The following EMP1 variants were observed in gnomAD, a reference collection of about 807,000 sequenced individuals.
EMP1 encodes the protein epithelial membrane protein 1, also known as tumor-associated membrane protein.
Under a neutral mutation model 15.7 loss-of-function variants are expected in EMP1, and 5 were observed. The ratio of observed to expected loss-of-function variants is 0.32; its 90% CI spans 0.17 to 0.67. EMP1 has a LOEUF of 0.67. Ranked by LOEUF, EMP1 falls within the 30% of genes least tolerant of loss-of-function variation. EMP1 has a pLI of 0.74. For missense variants in EMP1, 166 were observed against 194.2 expected (o/e 0.85, Z 0.86); for synonymous variants, 78 against 76.7 (o/e 1.02, Z -0.09).
intron 1 of EMP1, among the ~76,000 whole-genome samples, chr12:13,203,483 G>A (rs1864084474): frequency 6.6e-6 from 1 of 152,238 alleles, no homozygotes; most frequent in South Asian, 2.1e-4. Context: ...AGAGAGAGAG[G>A]TTATTCTTCT....
At position 13,214,632 on chromosome 12, in the gene EMP1, A is replaced by ATCTGCT. The variant is rs1221626963; in HGVS notation, c.424_429dup (p.Cys142_Phe143dup). 7.4e-6 allele frequency: 12 copies of ATCTGCT among 1,613,606 alleles called. No homozygotes were observed. In the South Asian group the frequency reaches 1.3e-4, roughly 18 times the overall value. On this transcript the variant is annotated inframe_insertion, in exon 5 of 5. Transcript: ENST00000256951. ...CGGCTATTCCTACATCCTGGGCTGG[A>ATCTGCT]TCTGCTTCTGCTTCAGCTTCATCAT...
Position 13,213,812 on chromosome 12 carries a change from C to CTGGTG in EMP1, c.310_314dup (p.Cys105TrpfsTer52). 6.2e-7 allele frequency: 1 copy of CTGGTG among 1,613,980 alleles called. No homozygotes were observed. The highest frequency in any genetic ancestry group is 1.1e-5 in the South Asian group (1 of 91,092). On this transcript the variant is annotated frameshift_variant, in exon 4 of 5. Coordinates refer to ENST00000256951, the MANE Select transcript of EMP1 (RefSeq NM_001423.3). LOFTEE classifies it high-confidence loss of function. ...GTTCTTCCTCTCAGGGGCCACCACA[C>CTGGTG]TGGTGTGCTGTGAGTATCTCATGGG...
In EMP1 at chr12:13,216,620, T is replaced by G; in HGVS notation, c.*1929T>G. 1.6e-6 allele frequency: 1 copy of G among 608,076 alleles called. No individual in the cohort carries two copies. The highest frequency in any genetic ancestry group is 2.9e-6 in the Non-Finnish European group (1 of 343,216). 37.7% of individuals were successfully genotyped at this position (608,076 alleles called of 1,614,324 possible). On this transcript the variant is annotated 3_prime_UTR_variant, in exon 5 of 5. Coordinates refer to ENST00000256951, the MANE Select transcript of EMP1 (RefSeq NM_001423.3). ...ATCTTTTACTTTTTTTCTGTGACAT[T>G]TATGTCTCATGTAATTTGCATTACT...
intron 1 of EMP1, among the ~76,000 whole-genome samples, chr12:13,200,606 G>A (rs927324183): frequency 3.3e-5 from 5 of 152,162 alleles, no homozygotes; most frequent in East Asian, 1.9e-4. Flanking sequence ...ACCCAGCCCC[G>A]ACATACACAC....
Position 13,215,206 on chromosome 12 carries a change from C to T in EMP1, c.*515C>T, listed in dbSNP as rs1472498493. On this transcript the variant is annotated 3_prime_UTR_variant, in exon 5 of 5. Transcript: ENST00000256951. The stretch of plus-strand genomic sequence containing the variant: ...TACTGGGGGGCTTTGGCCTGTGAGC[C>T]ATTGTCCCTCTTTGGAACAGATATT... The T allele has an allele frequency of 6.5e-6, 1 of 154,308 alleles. No individual in the cohort carries two copies. The highest frequency in any genetic ancestry group is 1.4e-5 in the Non-Finnish European group (1 of 69,404). The allele number at this position is 154,308 out of a possible 1,614,324, so 9.6% of individuals were successfully genotyped here.
rs190144623 is a variant in EMP1 at position 13,197,680 on chromosome 12, C to T, written c.-43+808C>T. On this transcript the variant is annotated intron_variant, in intron 1 of 4. Transcript: ENST00000256951. Reference sequence around the variant, plus strand: ...ATTCTAGCTACTTGGTAGGCTGAGACGGGAGAATTGCTTGAATCCGGGAGA... The same window carrying T: ...ATTCTAGCTACTTGGTAGGCTGAGATGGGAGAATTGCTTGAATCCGGGAGA... Among the ~76,000 whole-genome samples, 164 of 151,918 alleles carry T rather than the reference C, an allele frequency of 1.1e-3. 1 individual carries two copies. The highest frequency in any genetic ancestry group is 3.9e-3 in the East Asian group (20 of 5,170).
At position 13,219,587 on chromosome 12, in the gene EMP1, A is replaced by C. The variant is rs1214152947; in HGVS notation, c.*4896A>C. On this transcript the variant is annotated 3_prime_UTR_variant, in exon 5 of 5. Transcript: ENST00000256951. ...TGTATTAGTCTGTTTTCACACTGCTATGAAGACATACTTGAGACTCGGTAA... is the reference window on the plus strand; with the variant it reads ...TGTATTAGTCTGTTTTCACACTGCTCTGAAGACATACTTGAGACTCGGTAA... The C allele has an allele frequency of 6.6e-6, 1 of 152,220 alleles. No homozygotes were observed. The highest frequency in any genetic ancestry group is 6.5e-5 in the Admixed American group (1 of 15,292). The allele number at this position is 152,220 out of a possible 1,614,324, so 9.4% of individuals were successfully genotyped here.
intron 1 of EMP1, among the ~76,000 whole-genome samples, chr12:13,207,381 C>A (rs1302019522): frequency 1.3e-5 from 2 of 152,148 alleles, no homozygotes; most frequent in Non-Finnish European, 2.9e-5. Flanking sequence ...ATTCTGTTAG[C>A]TAAGAACTTT....
At position 13,219,273 on chromosome 12, in the gene EMP1, A is replaced by T. The variant is rs1039023304; in HGVS notation, c.*4582A>T. On this transcript the variant is annotated 3_prime_UTR_variant, in exon 5 of 5. Transcript: ENST00000256951. ...CTATCCATATGTCAGGTCCATACTCAACTCAAGCTTCTGGTTAACTGCTGA... is the reference window on the plus strand; with the variant it reads ...CTATCCATATGTCAGGTCCATACTCTACTCAAGCTTCTGGTTAACTGCTGA... 1 of 152,216 alleles carries T rather than the reference A, an allele frequency of 6.6e-6. No individual in the cohort carries two copies. The highest frequency in any genetic ancestry group is 6.5e-5 in the Admixed American group (1 of 15,276). The allele number at this position is 152,216 out of a possible 1,614,324, so 9.4% of individuals were successfully genotyped here.
chr12:13,201,323 A>C (rs894532132), intron 1 of EMP1, among the ~76,000 whole-genome samples: 2 of 152,094 alleles, frequency 1.3e-5, no homozygotes, highest in Non-Finnish European at 2.9e-5. Flanking sequence ...AGGAGGATTG[A>C]TTGAGCCCCA....
chr12:13,214,299 C>T (rs1864193528), intron 4 of EMP1: 1 of 620,542 alleles, frequency 1.6e-6, no homozygotes, highest in South Asian at 2.1e-5. Context: ...TGTTTTACAT[C>T]ACAGCGTGGC....
In EMP1 at chr12:13,202,961, C is replaced by G. The variant is rs1864078920; in HGVS notation, c.-43+6089C>G. Among the ~76,000 whole-genome samples, 3 of 152,162 alleles carry G rather than the reference C, an allele frequency of 2.0e-5. No individual in the cohort carries two copies. The South Asian group carries it at 6.2e-4, about 32-fold the overall frequency. ...CTTCAGTTCTGATTCAATTCCATTT[C>G]TCCTTTGGGGACGTGCATTTCCTTC... On this transcript the variant is annotated intron_variant, in intron 1 of 4. Transcript: ENST00000256951.
chr12:13,212,433 A>T (rs957179119), intron 2 of EMP1, among the ~76,000 whole-genome samples: 1 of 152,228 alleles, frequency 6.6e-6, no homozygotes, highest in Non-Finnish European at 1.5e-5. Context: ...TGAGTTTTAA[A>T]GTTCAGATAG....
At position 13,199,966 on chromosome 12, in the gene EMP1, T is replaced by TC. The variant is rs202182160; in HGVS notation, c.-43+3094_-43+3095insC. ...CTTTTCTTCTTCTTCTTCTTCTTCT[T>TC]TTTTTTTTTTTTTTTGCCTAAGGCT... On this transcript the variant is annotated intron_variant, in intron 1 of 4. Coordinates refer to ENST00000256951, the MANE Select transcript of EMP1 (RefSeq NM_001423.3). Among the ~76,000 whole-genome samples, 31 of 145,684 alleles carry TC rather than the reference T, an allele frequency of 2.1e-4. No homozygotes were observed. In the East Asian group the frequency reaches 4.3e-3, roughly 20 times the overall value.
chr12:13,203,079 G>A (rs1378374027), intron 1 of EMP1, among the ~76,000 whole-genome samples: 1 of 152,180 alleles, frequency 6.6e-6, no homozygotes, highest in African/African-American at 2.4e-5. Context: ...TGGGTCTGGG[G>A]TGTCTCTAGG....
chr12:13,205,267 T>C (rs1185122700), intron 1 of EMP1, among the ~76,000 whole-genome samples: 1 of 152,190 alleles, frequency 6.6e-6, no homozygotes, highest in Non-Finnish European at 1.5e-5. Flanking sequence ...GTTTAGAAAT[T>C]TAAGACATTT....
chr12:13,213,873 A>G (rs766452292), intron 4 of EMP1, 52 bp downstream of exon 4: 19 of 1,607,234 alleles, frequency 1.2e-5, no homozygotes, highest in Admixed American at 1.0e-4. Context: ...CCATCTTACC[A>G]TGGGTGTTTC....
intron 1 of EMP1, among the ~76,000 whole-genome samples, chr12:13,199,815 T>C (rs1864047553): frequency 6.6e-6 from 1 of 152,170 alleles, no homozygotes; most frequent in Non-Finnish European, 1.5e-5. Flanking sequence ...TCTGCTGGCC[T>C]GAAACAACTC....
chr12:13,204,088 G>A (rs1321986716), intron 1 of EMP1, among the ~76,000 whole-genome samples: 1 of 152,244 alleles, frequency 6.6e-6, no homozygotes, highest in Non-Finnish European at 1.5e-5. Context: ...TACTTTTGCT[G>A]CTTGATTGAC....
Sources: gnomAD v4.1 joint callset for allele counts (sites outside exome capture counted in the v4.1 genomes callset) on GRCh38, gnomAD v4.1.1 for gene constraint, MANE v1.5 for transcripts, NCBI Gene and HGNC (gene_info 2026-07-23, HGNC 2026-07-21) for gene names.